The following DYNC2H1 variants were observed in gnomAD, a reference collection of about 807,000 sequenced individuals.
DYNC2H1 encodes the protein cytoplasmic dynein 2 heavy chain 1.
In DYNC2H1, 410 loss-of-function variants were observed where a neutral mutation model predicts 570.0. The observed-to-expected ratio is 0.72, with a 90% CI of 0.66 to 0.78. The LOEUF is 0.78. Ranked by LOEUF, DYNC2H1 falls within the 30% of genes least tolerant of loss-of-function variation. The pLI, the probability that DYNC2H1 is intolerant of heterozygous loss-of-function variation, is 0.00. For synonymous variants in DYNC2H1, 1,688 were observed against 1,677.6 expected (o/e 1.01, Z -0.15); for missense variants, 4,865 against 5,046.4 (o/e 0.96, Z 1.09).
chr11:103,309,124 A>C (rs1006057597), intron 78 of DYNC2H1, among the ~76,000 whole-genome samples: 2 of 149,174 alleles, frequency 1.3e-5, no homozygotes, highest in Non-Finnish European at 3.0e-5. Flanking sequence ...TGAAATAGCA[A>C]ACTATTAAAA....
chr11:103,184,190 T>TA (rs1861972655), intron 40 of DYNC2H1, among the ~76,000 whole-genome samples: 1 of 151,998 alleles, frequency 6.6e-6, no homozygotes, highest in Non-Finnish European at 1.5e-5. Context: ...CTGTAGCTCT[T>TA]ACCACAATTT....
In DYNC2H1 at chr11:103,181,957, T is replaced by C; in HGVS notation, c.6477+71T>C. The C allele has an allele frequency of 1.5e-5, 22 of 1,503,784 alleles. No homozygotes were observed. Among genetic ancestry groups the C allele is most frequent in the Non-Finnish European group, 2.0e-5 (22 of 1,111,896 alleles). 93.2% of individuals were successfully genotyped at this position (1,503,784 alleles called of 1,614,324 possible). ...GATTAAGAGTGATGCTTATTTTAAC[T>C]TCCTTGTGGTAGAACTCTGCTGGAA... On this transcript the variant is annotated intron_variant, in intron 40 of 88. Coordinates refer to ENST00000375735, the MANE Select transcript of DYNC2H1 (RefSeq NM_001377.3). This position sits in a 1 kb window ranked among gnomAD's most constrained non-coding sequence, Gnocchi z 5.0.
chr11:103,438,304 G>A (rs1944134717), intron 85 of DYNC2H1, among the ~76,000 whole-genome samples: 1 of 152,080 alleles, frequency 6.6e-6, no homozygotes, highest in African/African-American at 2.4e-5. Context: ...GGGCCCGATA[G>A]ATCCCTTGTT....
Position 103,186,511 on chromosome 11 carries a change from A to C in DYNC2H1, c.6893+10A>C. The C allele has an allele frequency of 6.2e-7, 1 of 1,606,380 alleles. No homozygotes were observed. The highest frequency in any genetic ancestry group is 8.5e-7 in the Non-Finnish European group (1 of 1,178,382). On this transcript the variant is annotated intron_variant, in intron 42 of 88. Transcript: ENST00000375735. The surrounding 1 kb of genome is among the most constrained non-coding windows in gnomAD (Gnocchi z 4.5). Reference sequence around the variant, plus strand: ...AAGGATGTGGCAAAGGGTAAGAAAAATATTGGCAAAGGTATATGTTGTGGA... The same window carrying C: ...AAGGATGTGGCAAAGGGTAAGAAAACTATTGGCAAAGGTATATGTTGTGGA...
Position 103,135,653 on chromosome 11 carries a change from C to A in DYNC2H1, c.2345+19C>A. 1 of 1,607,490 alleles carries A rather than the reference C, an allele frequency of 6.2e-7. No individual in the cohort carries two copies. The highest frequency in any genetic ancestry group is 8.5e-7 in the Non-Finnish European group (1 of 1,177,978). ...CTTACAAGTAAGATGTTTTTTCAAC[C>A]CCAATTTAATGTTCATTGTATAATT... On this transcript the variant is annotated intron_variant, in intron 16 of 88. Transcript: ENST00000375735.
intron 75 of DYNC2H1, among the ~76,000 whole-genome samples, chr11:103,301,991 A>ATAT (rs1159221476): frequency 5.9e-5 from 9 of 152,178 alleles, no homozygotes; most frequent in Admixed American, 2.0e-4. Context: ...TCAAACAAGT[A>ATAT]TATTTTAAAT....
intron 85 of DYNC2H1, among the ~76,000 whole-genome samples, chr11:103,452,910 C>G: frequency 6.6e-6 from 1 of 152,142 alleles, no homozygotes. Context: ...TATCATATCA[C>G]TTTTGAAAAT....
chr11:103,187,921 A>C (rs1260463598), intron 43 of DYNC2H1, among the ~76,000 whole-genome samples: 1 of 152,074 alleles, frequency 6.6e-6, no homozygotes, highest in East Asian at 1.9e-4. Flanking sequence ...GTTTTAAAGT[A>C]TGCATTCTTC....
In DYNC2H1 at chr11:103,204,774, C is replaced by T. The variant is rs1195691480; in HGVS notation, c.8312-48C>T. On this transcript the variant is annotated intron_variant, in intron 51 of 88. Coordinates refer to ENST00000375735, the MANE Select transcript of DYNC2H1 (RefSeq NM_001377.3). This position sits in a 1 kb window ranked among gnomAD's most constrained non-coding sequence, Gnocchi z 4.1. ...AAAATTTTGATCTCTTTAACCCAGA[C>T]CACGTATAGATTGCCTGATTGTATT... is the stretch of plus-strand genomic sequence containing the variant. 2.7e-6 allele frequency: 4 copies of T among 1,485,964 alleles called. No individual in the cohort carries two copies. Among genetic ancestry groups the T allele is most frequent in the Non-Finnish European group, 3.6e-6 (4 of 1,097,990 alleles). 92.0% of individuals were successfully genotyped at this position (1,485,964 alleles called of 1,614,324 possible).
At chr11:103,146,027 A>T (rs1860224129) in intron 18 of DYNC2H1, among the ~76,000 whole-genome samples, 1 of 152,230 alleles carries the variant, frequency 6.6e-6, no homozygotes, top group African/African-American at 2.4e-5. Flanking sequence ...AGTATCATAA[A>T]TCATGAGTCT....
intron 30 of DYNC2H1, among the ~76,000 whole-genome samples, chr11:103,164,933 T>G (rs979373028): frequency 6.6e-6 from 1 of 152,160 alleles, no homozygotes; most frequent in Non-Finnish European, 1.5e-5. Context: ...CAAAGGAACA[T>G]TTTTATATGA....
At chr11:103,412,921 G>A (rs1943141689) in intron 84 of DYNC2H1, among the ~76,000 whole-genome samples, 1 of 152,060 alleles carries the variant, frequency 6.6e-6, no homozygotes, top group Admixed American at 6.6e-5. Context: ...CCTCTTTGTA[G>A]GAGTGGTTCT....
At chr11:103,121,594 G>A (rs1459203288) in intron 10 of DYNC2H1, 98 bp downstream of exon 10, 8 of 1,298,646 alleles carry the variant, frequency 6.2e-6, no homozygotes, top group African/African-American at 3.0e-5. Context: ...TATATTCTCT[G>A]TTTTCCTTGG....
chr11:103,285,735 A>G (rs1310972752), intron 73 of DYNC2H1, among the ~76,000 whole-genome samples: 1 of 151,988 alleles, frequency 6.6e-6, no homozygotes, highest in Non-Finnish European at 1.5e-5. Flanking sequence ...GAGAGGAGGA[A>G]TTTGATTAGA....
Position 103,252,490 on chromosome 11 carries a change from T to C in DYNC2H1, c.10043-795T>C, listed in dbSNP as rs1864873611. Among the ~76,000 whole-genome samples, 2 of 152,174 alleles carry C rather than the reference T, an allele frequency of 1.3e-5. No individual in the cohort carries two copies. Among genetic ancestry groups the C allele is most frequent in the Non-Finnish European group, 2.9e-5 (2 of 68,020 alleles). Reference sequence around the variant, plus strand: ...CCCACCAACAATTCCCTTTTCTCCGTATCTTCATCAACATTTGTTATCTCT... The same window carrying C: ...CCCACCAACAATTCCCTTTTCTCCGCATCTTCATCAACATTTGTTATCTCT... On this transcript the variant is annotated intron_variant, in intron 65 of 88. Transcript: ENST00000375735. This position sits in a 1 kb window ranked among gnomAD's most constrained non-coding sequence, Gnocchi z 4.6.
intron 55 of DYNC2H1, 61 bp from the exon 56 acceptor site, chr11:103,219,854 T>A: frequency 1.0e-6 from 1 of 960,160 alleles, no homozygotes; most frequent in South Asian, 1.6e-5. Flanking sequence ...TATTTTGGAT[T>A]TCATGCTTTT....
At chr11:103,165,056 C>T (rs956514174) in intron 30 of DYNC2H1, among the ~76,000 whole-genome samples, 2 of 152,078 alleles carry the variant, frequency 1.3e-5, no homozygotes, top group Admixed American at 6.6e-5. Context: ...TTTGTTTGGG[C>T]GATGAATTTG....
intron 65 of DYNC2H1, 81 bp from the exon 66 acceptor site, chr11:103,253,204 A>G: frequency 1.4e-6 from 2 of 1,384,590 alleles, no homozygotes; most frequent in Non-Finnish European, 1.9e-6. Flanking sequence ...ATTTAGAAGT[A>G]CTTAAAAATT....
At chr11:103,253,130 A>G (rs570820000) in intron 65 of DYNC2H1, among the ~76,000 whole-genome samples, 155 bp from the exon 66 acceptor site, 1 of 152,198 alleles carries the variant, frequency 6.6e-6, no homozygotes, top group Non-Finnish European at 1.5e-5. Flanking sequence ...TAAATAGAAC[A>G]TTCTGCTAAT....
Sources: gnomAD v4.1 joint callset for allele counts (sites outside exome capture counted in the v4.1 genomes callset) on GRCh38, gnomAD v4.1.1 for gene constraint, Gnocchi (gnomAD v3.1) non-coding constraint, MANE v1.5 for transcripts, NCBI Gene and HGNC (gene_info 2026-07-23, HGNC 2026-07-21) for gene names.